SLA: variants seen among roughly 807,000 people sequenced by gnomAD.
The protein encoded by SLA is src-like-adapter.
SLA carries 16 observed loss-of-function variants against 30.3 expected under a neutral mutation model. The observed-to-expected ratio is 0.53, with a 90% CI of 0.36 to 0.80. The LOEUF (loss-of-function observed/expected upper bound fraction) is 0.80. Ranked by LOEUF, SLA falls within the 30% of genes least tolerant of loss-of-function variation. The pLI, the probability that SLA is intolerant of heterozygous loss-of-function variation, is 0.01. For synonymous variants in SLA, 143 were observed against 137.8 expected (o/e 1.04, Z -0.26); for missense variants, 310 against 345.2 (o/e 0.90, Z 0.81).
chr8:133,078,697 T>G (rs1044121888), intron 1 of SLA, among the ~76,000 whole-genome samples: 5 of 152,340 alleles, frequency 3.3e-5, no homozygotes, highest in African/African-American at 9.6e-5. Flanking sequence ...AGCTAAACAC[T>G]CTTTTTTCTC....
chr8:133,070,268 G>A (rs1843800015), intron 2 of SLA, among the ~76,000 whole-genome samples: 1 of 152,124 alleles, frequency 6.6e-6, no homozygotes, highest in Non-Finnish European at 1.5e-5. Flanking sequence ...GGTCTCATAA[G>A]CCAGCACAGG....
Position 133,060,128 on chromosome 8 carries a change from A to C in SLA, c.33T>G (p.Pro11=), listed in dbSNP as rs1376457883. The change falls in exon 3 of 9, where the codon CCT becomes CCG. Residue 11 remains proline, a synonymous_variant. Transcript: ENST00000338087. MGNSMKSTPA[P]AERPLPNPEG... ...CCGGGTTGGGCAGGGGCCTCTCGGC[A>C]GGCGCAGGGGTGGATTTCATGCTGT... is the stretch of plus-strand genomic sequence containing the variant. The C allele has an allele frequency of 6.2e-7, 1 of 1,608,318 alleles. No individual in the cohort carries two copies. The highest frequency in any genetic ancestry group is 1.1e-5 in the South Asian group (1 of 90,184).
At chr8:133,073,553 T>C (rs1844400635) in intron 2 of SLA, among the ~76,000 whole-genome samples, 1 of 152,156 alleles carries the variant, frequency 6.6e-6, no homozygotes, top group Non-Finnish European at 1.5e-5. Flanking sequence ...AGCATTCTTC[T>C]AAATGGAGAC....
At chr8:133,090,520 C>T (rs1847325573) in intron 1 of SLA, among the ~76,000 whole-genome samples, 1 of 152,194 alleles carries the variant, frequency 6.6e-6, no homozygotes, top group African/African-American at 2.4e-5. Flanking sequence ...AGGCACTTTC[C>T]CCCAAGTCAG....
At chr8:133,090,291 A>C (rs1346378569) in intron 1 of SLA, among the ~76,000 whole-genome samples, 2 of 152,250 alleles carry the variant, frequency 1.3e-5, no homozygotes, top group Non-Finnish European at 2.9e-5. Flanking sequence ...CAGGAGAAGC[A>C]GAGAGAAGCC....
chr8:133,063,252 A>C (rs1377022919), intron 2 of SLA, among the ~76,000 whole-genome samples: 1 of 150,358 alleles, frequency 6.7e-6, no homozygotes, highest in Non-Finnish European at 1.5e-5. Flanking sequence ...ACCCCTCCAG[A>C]TGCCAGGGTG....
At position 133,039,039 on chromosome 8, in the gene SLA, A is replaced by G. The variant is rs1016542800; in HGVS notation, c.618-302T>C. 5.3e-5 allele frequency among the ~76,000 whole-genome samples: 8 copies of G among 152,132 alleles called. No homozygotes were observed. In the East Asian group the frequency reaches 1.4e-3, roughly 26 times the overall value. On this transcript the variant is annotated intron_variant, in intron 8 of 8. Coordinates refer to ENST00000338087, the MANE Select transcript of SLA (RefSeq NM_001045556.3). ...ATTACAACCATCCACCACCACGCCC[A>G]GCTAATTTTTTGTATTTTGAGTAGA...
At chr8:133,057,166 TGC>T (rs879595674) in intron 3 of SLA, among the ~76,000 whole-genome samples, 2,772 of 151,350 alleles carry the variant, frequency 0.018, 96 homozygotes, top group African/African-American at 0.063. Flanking sequence ...GGGTCTGTGC[TGC>T]TGCCTCTGTT....
intron 1 of SLA, 53 bp downstream of exon 1, chr8:133,102,500 G>A (rs1408084538): frequency 3.3e-6 from 5 of 1,529,112 alleles, no homozygotes; most frequent in Non-Finnish European, 4.4e-6. Flanking sequence ...ACCACCCCAG[G>A]CCACCTATGG....
intron 7 of SLA, among the ~76,000 whole-genome samples, chr8:133,040,533 C>T (rs560540097): frequency 6.6e-6 from 1 of 152,324 alleles, no homozygotes; most frequent in East Asian, 1.9e-4. Flanking sequence ...GGGTTTCCCG[C>T]AAATGCCCAA....
intron 7 of SLA, among the ~76,000 whole-genome samples, chr8:133,043,859 G>A (rs1006719917): frequency 3.3e-5 from 5 of 152,184 alleles, no homozygotes; most frequent in African/African-American, 1.2e-4. Context: ...CCAGAAGGGG[G>A]AAGATGCTGT....
At chr8:133,082,416 T>C (rs12541260) in intron 1 of SLA, among the ~76,000 whole-genome samples, 39,035 of 152,076 alleles carry the variant, frequency 0.26, 5,326 homozygotes, top group African/African-American at 0.31. Context: ...CTTTCCCTCC[T>C]TGTAGATTGC....
chr8:133,053,643 T>C (rs1218929358), intron 3 of SLA, among the ~76,000 whole-genome samples: 2 of 152,218 alleles, frequency 1.3e-5, no homozygotes, highest in African/African-American at 2.4e-5. Flanking sequence ...AGGTTTGATA[T>C]CAAATTCAAG....
At position 133,040,254 on chromosome 8, in the gene SLA, T is replaced by C. The variant is rs962755175; in HGVS notation, c.485-124A>G. 34 of 1,056,204 alleles carry C rather than the reference T, an allele frequency of 3.2e-5. No homozygotes were observed. The Admixed American group carries it at 6.1e-4, about 19-fold the overall frequency. The allele number at this position is 1,056,204 out of a possible 1,614,324, so 65.4% of individuals were successfully genotyped here. A position where few individuals can be genotyped will look rare whatever the true frequency, so the allele number is the denominator to read the frequency against. On this transcript the variant is annotated intron_variant, in intron 7 of 8. Transcript: ENST00000338087. Reference sequence around the variant, plus strand: ...CTGCCATGGGGAACTGGGCCTGAGATTTCAAAGGGGCATGGTAGGTGGTGA... The same window carrying C: ...CTGCCATGGGGAACTGGGCCTGAGACTTCAAAGGGGCATGGTAGGTGGTGA...
chr8:133,089,466 TA>T (rs1847151726), intron 1 of SLA, among the ~76,000 whole-genome samples: 1 of 152,188 alleles, frequency 6.6e-6, no homozygotes, highest in Admixed American at 6.5e-5. Flanking sequence ...ATACCCCATT[TA>T]AAAGCCTTTA....
intron 1 of SLA, among the ~76,000 whole-genome samples, chr8:133,092,904 G>C (rs986956070): frequency 9.2e-5 from 14 of 152,200 alleles, no homozygotes; most frequent in African/African-American, 7.2e-5. Context: ...CATTCTCTTA[G>C]CCATCTTGCA....
At position 133,046,824 on chromosome 8, in the gene SLA, G is replaced by A. The variant is rs779117616; in HGVS notation, c.352+1006C>T. ...CAGATTTTTTTTAAATCATATATAT[G>A]TGGTCCCTGCTTTCTGAAAGCAAGG... On this transcript the variant is annotated intron_variant, in intron 6 of 8. Coordinates refer to ENST00000338087, the MANE Select transcript of SLA (RefSeq NM_001045556.3). 3.3e-5 allele frequency among the ~76,000 whole-genome samples: 5 copies of A among 152,236 alleles called. 1 individual carries two copies. In the Middle Eastern group the frequency reaches 0.01, roughly 311 times the overall value.
chr8:133,050,057 A>C (rs564877814), intron 4 of SLA, 69 bp from the exon 5 acceptor site: 1 of 1,010,436 alleles, frequency 9.9e-7, no homozygotes, highest in East Asian at 2.4e-5. Context: ...GAATGAACAG[A>C]GTAATCAGAT....
At chr8:133,057,926 CAGGGTCTGTGG>C (rs1289551979) in intron 3 of SLA, among the ~76,000 whole-genome samples, 1 of 152,142 alleles carries the variant, frequency 6.6e-6, no homozygotes, top group Non-Finnish European at 1.5e-5. Context: ...TGTGCACGGC[CAGGGTCTGTGG>C]AGGGTCTGTG....
Sources: allele counts gnomAD v4.1 joint callset (sites outside exome capture counted in the v4.1 genomes callset), GRCh38; gene constraint gnomAD v4.1.1; transcripts MANE v1.5; gene names NCBI Gene and HGNC (gene_info 2026-07-23, HGNC 2026-07-21).